The following CNTNAP2 variants were observed in gnomAD, a reference collection of about 807,000 sequenced individuals.
CNTNAP2 encodes contactin-associated protein-like 2.
CNTNAP2 carries 98 observed loss-of-function variants against 155.2 expected under a neutral mutation model. That is an observed-to-expected ratio of 0.63 (90% CI 0.54 to 0.75). The LOEUF is 0.75. CNTNAP2 is among the 30% of genes least tolerant of loss of function. The pLI is 0.00. For synonymous variants in CNTNAP2, 651 were observed against 631.2 expected, an observed-to-expected ratio of 1.03 and a Z score of -0.47; for missense variants, 1,727 against 1,688.1, an observed-to-expected ratio of 1.02 and a Z score of -0.40.
At chr7:148,135,463 A>G (rs1804917146) in intron 16 of CNTNAP2, among the ~76,000 whole-genome samples, 2 of 152,324 alleles carry the variant, frequency 1.3e-5, no homozygotes, top group South Asian at 2.1e-4. Context: ...ATATGATAGC[A>G]TACTATCTAT....
chr7:146,906,485 TC>T (rs1796130553), intron 3 of CNTNAP2, among the ~76,000 whole-genome samples: 1 of 151,624 alleles, frequency 6.6e-6, no homozygotes, highest in South Asian at 2.1e-4. Flanking sequence ...CTCAAGTGGG[TC>T]CCTGACCCCT....
chr7:146,838,616 T>A (rs1027486306), intron 2 of CNTNAP2, among the ~76,000 whole-genome samples: 4 of 151,852 alleles, frequency 2.6e-5, no homozygotes, highest in African/African-American at 7.3e-5. Flanking sequence ...CTGAGCCCAG[T>A]CAGTTATTTT....
chr7:147,454,939 A>G (rs2116575747), intron 10 of CNTNAP2, among the ~76,000 whole-genome samples: 1 of 152,208 alleles, frequency 6.6e-6, no homozygotes, highest in Non-Finnish European at 1.5e-5. Flanking sequence ...TGACTCCCCC[A>G]TTTGACAGGA....
chr7:146,873,787 C>T (rs187707009), intron 3 of CNTNAP2, among the ~76,000 whole-genome samples: 3 of 152,240 alleles, frequency 2.0e-5, no homozygotes, highest in African/African-American at 7.2e-5. Context: ...GTGTTTACTA[C>T]ATTCAGAGAG....
At chr7:148,002,108 A>G (rs909320410) in intron 15 of CNTNAP2, among the ~76,000 whole-genome samples, 2 of 152,172 alleles carry the variant, frequency 1.3e-5, no homozygotes, top group African/African-American at 4.8e-5. Flanking sequence ...CTGCACCATA[A>G]TTAGTTGCAT....
chr7:146,504,008 C>A (rs146023684), intron 1 of CNTNAP2, among the ~76,000 whole-genome samples: 1 of 152,218 alleles, frequency 6.6e-6, no homozygotes. Context: ...TACGAGCTCA[C>A]ACAAACAGGT....
chr7:148,302,905 G>A (rs563357035), intron 21 of CNTNAP2, among the ~76,000 whole-genome samples: 130 of 132,536 alleles, frequency 9.8e-4, no homozygotes, highest in African/African-American at 3.4e-3. Context: ...TGCAACCTCT[G>A]CCTCCCAGGT....
chr7:146,181,852 A>G lies in CNTNAP2; in HGVS notation c.97+64879A>G, dbSNP rs1798554179. On this transcript the variant is annotated intron_variant, in intron 1 of 23. Coordinates refer to ENST00000361727, the MANE Select transcript of CNTNAP2 (RefSeq NM_014141.6). ...TAGAGAGAATTTGCTGGTCAAGCAC[A>G]TATTTACACAAGTAGAGTGCATGGC... 5.9e-5 allele frequency among the ~76,000 whole-genome samples: 9 copies of G among 152,170 alleles called. No homozygotes were observed. The South Asian group carries it at 1.9e-3, about 31-fold the overall frequency.
intron 13 of CNTNAP2, among the ~76,000 whole-genome samples, chr7:147,660,295 A>G (rs367968809): frequency 1.3e-5 from 2 of 152,126 alleles, no homozygotes; most frequent in African/African-American, 4.8e-5. Context: ...GCTTCCTACA[A>G]CCTTTTCCTC....
chr7:146,985,914 TA>T (rs1798107228), intron 3 of CNTNAP2, among the ~76,000 whole-genome samples: 1 of 152,164 alleles, frequency 6.6e-6, no homozygotes, highest in Non-Finnish European at 1.5e-5. Flanking sequence ...AGTCTGTTTT[TA>T]AAATCTTAAT....
intron 15 of CNTNAP2, among the ~76,000 whole-genome samples, chr7:147,982,758 C>G (rs986289337): frequency 6.6e-6 from 1 of 152,122 alleles, no homozygotes; most frequent in Non-Finnish European, 1.5e-5. Flanking sequence ...TGGCTCACAC[C>G]TGTAATCCCA....
At chr7:147,597,945 T>C (rs1800857116) in intron 12 of CNTNAP2, among the ~76,000 whole-genome samples, 1 of 152,188 alleles carries the variant, frequency 6.6e-6, no homozygotes, top group African/African-American at 2.4e-5. Flanking sequence ...CTCAGTACTT[T>C]CAATCCTGGC....
At chr7:148,331,687 G>A (rs1798018990) in intron 21 of CNTNAP2, among the ~76,000 whole-genome samples, 2 of 151,912 alleles carry the variant, frequency 1.3e-5, no homozygotes, top group African/African-American at 2.4e-5. Flanking sequence ...TGGATGGAAT[G>A]GACGGATGGA....
chr7:148,156,465 A>AT (rs1805400387), intron 17 of CNTNAP2, among the ~76,000 whole-genome samples: 1 of 151,820 alleles, frequency 6.6e-6, no homozygotes, highest in Non-Finnish European at 1.5e-5. Flanking sequence ...TCTCTCCTGC[A>AT]TTCCCTCCTT....
intron 1 of CNTNAP2, among the ~76,000 whole-genome samples, chr7:146,717,962 A>G (rs1278722666): frequency 6.6e-6 from 1 of 152,112 alleles, no homozygotes; most frequent in African/African-American, 2.4e-5. Context: ...AAAATTAAGC[A>G]GCTTATTTGA....
intron 1 of CNTNAP2, among the ~76,000 whole-genome samples, chr7:146,559,853 A>C (rs1406943839): frequency 1.7e-4 from 1 of 5,944 alleles, no homozygotes; most frequent in Non-Finnish European, 4.4e-4. Context: ...ATTACATACA[A>C]AAAAAATGAC....
intron 3 of CNTNAP2, among the ~76,000 whole-genome samples, chr7:146,996,162 GT>G (rs898946873): frequency 1.4e-4 from 21 of 151,980 alleles, no homozygotes; most frequent in African/African-American, 4.6e-4. Flanking sequence ...TAAAGAGACT[GT>G]TTTTTCCCCC....
intron 22 of CNTNAP2, among the ~76,000 whole-genome samples, chr7:148,387,891 C>T (rs1234055364): frequency 6.6e-6 from 1 of 151,848 alleles, no homozygotes; most frequent in East Asian, 1.9e-4. Context: ...GTAAAGAAGC[C>T]AGCTAAAACC....
intron 9 of CNTNAP2, among the ~76,000 whole-genome samples, chr7:147,389,365 A>G (rs1313917614): frequency 1.3e-5 from 2 of 152,188 alleles, no homozygotes; most frequent in Non-Finnish European, 2.9e-5. Flanking sequence ...CTTTATATGC[A>G]CTTGGTTTTA....
Sources: allele counts gnomAD v4.1 joint callset (sites outside exome capture counted in the v4.1 genomes callset), GRCh38; gene constraint gnomAD v4.1.1; transcripts MANE v1.5; gene names NCBI Gene and HGNC (gene_info 2026-07-23, HGNC 2026-07-21).